The following JAZF1 variants were observed in gnomAD, a reference collection of about 807,000 sequenced individuals.
The protein encoded by JAZF1 is juxtaposed with another zinc finger protein 1.
In JAZF1, 8 loss-of-function variants were observed where a neutral mutation model predicts 26.4. The ratio of observed to expected loss-of-function variants is 0.30; its 90% CI spans 0.18 to 0.55. JAZF1 has a LOEUF of 0.55. Among genes scored for constraint, JAZF1 ranks in the 20% least tolerant of loss-of-function variants. The pLI, the probability that JAZF1 is intolerant of heterozygous loss-of-function variation, is 0.94. For missense variants in JAZF1, 199 were observed against 322.0 expected, an observed-to-expected ratio of 0.62 and a Z score of 2.92; for synonymous variants, 126 against 122.3, an observed-to-expected ratio of 1.03 and a Z score of -0.20.
At chr7:28,056,148 G>A (rs1285864386) in intron 1 of JAZF1, among the ~76,000 whole-genome samples, 2 of 151,558 alleles carry the variant, frequency 1.3e-5, no homozygotes, top group Non-Finnish European at 2.9e-5. Flanking sequence ...AGTGACTGAA[G>A]AGTAGATAAT....
At chr7:27,909,580 G>A (rs1307579251) in intron 2 of JAZF1, among the ~76,000 whole-genome samples, 2 of 152,140 alleles carry the variant, frequency 1.3e-5, no homozygotes, top group Non-Finnish European at 2.9e-5. Flanking sequence ...GGTGGCACAT[G>A]CCTGTAATCC....
At chr7:28,003,140 G>A (rs918076892) in intron 1 of JAZF1, among the ~76,000 whole-genome samples, 3 of 151,910 alleles carry the variant, frequency 2.0e-5, no homozygotes, top group African/African-American at 7.3e-5. Flanking sequence ...CAAAACAACC[G>A]GAATTCTGGT....
At chr7:28,167,252 C>T (rs184586886) in intron 1 of JAZF1, among the ~76,000 whole-genome samples, 13 of 152,322 alleles carry the variant, frequency 8.5e-5, no homozygotes, top group Admixed American at 7.2e-4. Flanking sequence ...AAAACCTCCA[C>T]CCCAGCCTCC....
chr7:28,001,008 T>G (rs1026552104), intron 1 of JAZF1, among the ~76,000 whole-genome samples: 1 of 152,172 alleles, frequency 6.6e-6, no homozygotes, highest in African/African-American at 2.4e-5. Flanking sequence ...TAGGGGAAAC[T>G]TTAAGTCAGT....
At chr7:28,018,094 A>C (rs1217318683) in intron 1 of JAZF1, among the ~76,000 whole-genome samples, 1 of 152,210 alleles carries the variant, frequency 6.6e-6, no homozygotes, top group African/African-American at 2.4e-5. Flanking sequence ...GAGAAAAGCA[A>C]CACGGAGGAT....
intron 2 of JAZF1, among the ~76,000 whole-genome samples, chr7:27,967,301 C>T (rs1448860599): frequency 2.0e-5 from 3 of 151,936 alleles, no homozygotes; most frequent in African/African-American, 7.3e-5. Context: ...TGGCCATACC[C>T]CTACCCCTGA....
intron 1 of JAZF1, among the ~76,000 whole-genome samples, chr7:28,141,000 G>A (rs1782952490): frequency 6.6e-6 from 1 of 152,202 alleles, no homozygotes; most frequent in African/African-American, 2.4e-5. Context: ...TTACAGCTGT[G>A]AATATCTGGT....
chr7:28,074,316 G>A (rs1014961858), intron 1 of JAZF1, among the ~76,000 whole-genome samples: 10 of 152,174 alleles, frequency 6.6e-5, no homozygotes, highest in African/African-American at 9.7e-5. Flanking sequence ...TCCAAAGTTT[G>A]AGTCATGGAA....
At chr7:27,974,184 C>T (rs1418429701) in intron 2 of JAZF1, among the ~76,000 whole-genome samples, 2 of 152,092 alleles carry the variant, frequency 1.3e-5, no homozygotes, top group African/African-American at 4.8e-5. Context: ...TTCCCAAACC[C>T]ACAGATAGTG....
intron 3 of JAZF1, among the ~76,000 whole-genome samples, chr7:27,869,959 A>G (rs117170429): frequency 0.076 from 11,545 of 152,044 alleles, 638 homozygotes; most frequent in Middle Eastern, 0.12. Flanking sequence ...CCCAGGCTAG[A>G]GTGCAGTGGC....
intron 3 of JAZF1, among the ~76,000 whole-genome samples, chr7:27,857,676 T>G (rs1783296417): frequency 6.6e-6 from 1 of 152,196 alleles, no homozygotes; most frequent in East Asian, 1.9e-4. Context: ...GAAAAGGACT[T>G]TGACAAAATT....
At position 28,077,640 on chromosome 7, in the gene JAZF1, C is replaced by T. The variant is rs75703548; in HGVS notation, c.116-85659G>A. Among the ~76,000 whole-genome samples the T allele has an allele frequency of 0.022, 3,390 of 151,790 alleles. 213 individuals carry two copies. In the East Asian group the frequency reaches 0.26, roughly 12 times the overall value. ...GTATATAAGTCCTCCAGCAAAGTGACCACTTGTCTGACTGCTTGCAGGCCA... is the reference window on the plus strand; with the variant it reads ...GTATATAAGTCCTCCAGCAAAGTGATCACTTGTCTGACTGCTTGCAGGCCA... On this transcript the variant is annotated intron_variant, in intron 1 of 4. Coordinates refer to ENST00000283928, the MANE Select transcript of JAZF1 (RefSeq NM_175061.4).
intron 2 of JAZF1, among the ~76,000 whole-genome samples, chr7:27,901,925 C>T (rs1177474405): frequency 6.6e-6 from 1 of 152,156 alleles, no homozygotes; most frequent in Admixed American, 6.5e-5. Flanking sequence ...TGACTTCAAC[C>T]CATTATAAGA....
chr7:28,091,529 T>A (rs1398419707), intron 1 of JAZF1, among the ~76,000 whole-genome samples: 1 of 151,248 alleles, frequency 6.6e-6, no homozygotes, highest in African/African-American at 2.4e-5. Context: ...TCTTTTATGC[T>A]CTTAAAATCA....
At chr7:28,085,978 T>A (rs901667121) in intron 1 of JAZF1, among the ~76,000 whole-genome samples, 1 of 152,250 alleles carries the variant, frequency 6.6e-6, no homozygotes. Context: ...TTACATGCAT[T>A]TGCACAAACA....
chr7:28,123,998 A>T (rs1307065286), intron 1 of JAZF1, among the ~76,000 whole-genome samples: 1 of 152,218 alleles, frequency 6.6e-6, no homozygotes, highest in Admixed American at 6.5e-5. Context: ...GCAACGTGCC[A>T]CGTGCAGCAT....
intron 1 of JAZF1, among the ~76,000 whole-genome samples, chr7:28,051,407 T>C (rs996761119): frequency 2.6e-5 from 4 of 151,514 alleles, no homozygotes; most frequent in African/African-American, 9.7e-5. Context: ...TTTTTAGTAG[T>C]GATGGGGTTT....
At chr7:27,982,827 C>A (rs979270931) in intron 2 of JAZF1, among the ~76,000 whole-genome samples, 1 of 152,182 alleles carries the variant, frequency 6.6e-6, no homozygotes, top group East Asian at 1.9e-4. Context: ...CACAGGCAAA[C>A]AGGGTCTGGA....
intron 1 of JAZF1, among the ~76,000 whole-genome samples, chr7:28,102,523 A>G (rs144430209): frequency 1.4e-3 from 218 of 152,312 alleles, no homozygotes; most frequent in Non-Finnish European, 2.5e-3. Context: ...TCTGAGAAAA[A>G]AATACAACAA....
Sources: gnomAD v4.1 joint callset for allele counts (sites outside exome capture counted in the v4.1 genomes callset) on GRCh38, gnomAD v4.1.1 for gene constraint, MANE v1.5 for transcripts, NCBI Gene and HGNC (gene_info 2026-07-23, HGNC 2026-07-21) for gene names.